The following MED13L variants were observed in gnomAD, a reference collection of about 807,000 sequenced individuals.
MED13L encodes mediator of RNA polymerase II transcription subunit 13-like.
MED13L carries 7 observed loss-of-function variants against 220.9 expected under a neutral mutation model. That is an observed-to-expected ratio of 0.03 (90% confidence interval 0.02 to 0.06). The LOEUF is 0.06. Among genes scored for constraint, MED13L ranks in the 10% least tolerant of loss-of-function variants. The pLI is 1.00. For missense variants in MED13L, 1,965 were observed against 2,760.5 expected (o/e 0.71, Z 6.46); for synonymous variants, 1,011 against 1,015.2 (o/e 1.00, Z 0.08).
chr12:115,966,383 A>T (rs1876162168), intron 28 of MED13L, 140 bp from the exon 29 acceptor site: 1 of 979,742 alleles, frequency 1.0e-6, no homozygotes, highest in African/African-American at 1.6e-5. Flanking sequence ...GGTGACTGAG[A>T]AAGGTAAGCG....
chr12:115,994,907 A>T (rs546407253), intron 16 of MED13L, among the ~76,000 whole-genome samples: 1 of 152,198 alleles, frequency 6.6e-6, no homozygotes, highest in African/African-American at 2.4e-5. Context: ...TAGTCGTTGA[A>T]GCATTGTGGA....
At chr12:116,254,540 G>A (rs549196718) in intron 1 of MED13L, among the ~76,000 whole-genome samples, 1 of 152,146 alleles carries the variant, frequency 6.6e-6, no homozygotes, top group East Asian at 1.9e-4. Flanking sequence ...CTTTAGGTCA[G>A]GAGTTCAAGA....
At chr12:116,246,411 G>A (rs1025976990) in intron 1 of MED13L, among the ~76,000 whole-genome samples, 2 of 151,930 alleles carry the variant, frequency 1.3e-5, no homozygotes, top group East Asian at 2.0e-4. Flanking sequence ...TGACAGGTCC[G>A]TAAAGACTTC....
In MED13L at chr12:116,277,621, C is replaced by T. The variant is rs911264098; in HGVS notation, c.-490G>A. 4.7e-5 allele frequency among the ~76,000 whole-genome samples: 7 copies of T among 149,244 alleles called. No homozygotes were observed. Among genetic ancestry groups the T allele is most frequent in the African/African-American group, 1.7e-4 (7 of 41,210 alleles). On this transcript the variant is annotated 5_prime_UTR_variant, in exon 1 of 31. Transcript: ENST00000281928. ...GCGACGTCCCCTCCTTCCTCTTCCT[C>T]CCCCACCCCCCCCTCCTCCCCAGTC...
chr12:116,088,299 T>C (rs1453122889), intron 4 of MED13L, among the ~76,000 whole-genome samples: 1 of 152,080 alleles, frequency 6.6e-6, no homozygotes, highest in Non-Finnish European at 1.5e-5. Flanking sequence ...AAAATGAGAA[T>C]AGAAATTCTG....
intron 2 of MED13L, among the ~76,000 whole-genome samples, chr12:116,182,420 T>G (rs189880080): frequency 1.7e-4 from 26 of 152,298 alleles, no homozygotes; most frequent in African/African-American, 5.5e-4. Context: ...TCCTTCCTTT[T>G]TCAATGACAG....
chr12:116,078,543 C>A (rs1488351323), intron 4 of MED13L, among the ~76,000 whole-genome samples: 3 of 152,108 alleles, frequency 2.0e-5, no homozygotes, highest in Non-Finnish European at 4.4e-5. Context: ...CTCTTAAGAC[C>A]AGAGTTCAGC....
chr12:116,144,084 C>G (rs928041427), intron 2 of MED13L, among the ~76,000 whole-genome samples: 8 of 152,162 alleles, frequency 5.3e-5, no homozygotes, highest in African/African-American at 1.9e-4. Context: ...CCATACACAG[C>G]ACACAAGAAA....
chr12:115,995,649 C>T (rs887096693), intron 16 of MED13L, among the ~76,000 whole-genome samples: 6 of 152,180 alleles, frequency 3.9e-5, no homozygotes, highest in African/African-American at 1.4e-4. Flanking sequence ...TCTCAAACTC[C>T]TGAGCTCAAG....
At chr12:116,018,477 G>C (rs1362958285) in intron 7 of MED13L, among the ~76,000 whole-genome samples, 1 of 152,038 alleles carries the variant, frequency 6.6e-6, no homozygotes, top group Non-Finnish European at 1.5e-5. Context: ...TGCCAGCTTG[G>C]CCCACATTCA....
At position 116,235,045 on chromosome 12, in the gene MED13L, C is replaced by T. The variant is rs150444804; in HGVS notation, c.310+2423G>A. The stretch of plus-strand genomic sequence containing the variant: ...TCTAAAATATCTCCACTTTGTATGG[C>T]TACCAATTAAAATATTCTCTTTGTA... On this transcript the variant is annotated intron_variant, in intron 2 of 30. Transcript: ENST00000281928. 2.3e-3 allele frequency among the ~76,000 whole-genome samples: 346 copies of T among 152,152 alleles called. 3 individuals carry two copies. The highest frequency in any genetic ancestry group is 3.4e-3 in the Non-Finnish European group (231 of 68,020).
chr12:116,117,146 T>A (rs1874592955), intron 2 of MED13L, among the ~76,000 whole-genome samples: 1 of 151,676 alleles, frequency 6.6e-6, no homozygotes, highest in Non-Finnish European at 1.5e-5. Flanking sequence ...CAAGAAAAAA[T>A]ATGGATGAAT....
At chr12:116,242,123 C>G (rs1870715604) in intron 1 of MED13L, among the ~76,000 whole-genome samples, 1 of 142,038 alleles carries the variant, frequency 7.0e-6, no homozygotes, top group Non-Finnish European at 1.5e-5. Flanking sequence ...ATGATCTTGG[C>G]AACCTCCCCC....
intron 8 of MED13L, among the ~76,000 whole-genome samples, chr12:116,014,578 A>C (rs1180130750): frequency 6.6e-6 from 1 of 152,220 alleles, no homozygotes; most frequent in East Asian, 1.9e-4. Context: ...GAAAGGAAGG[A>C]AAGTTAGGTC....
Position 116,019,884 on chromosome 12 carries a change from T to C in MED13L, c.714A>G (p.Glu238=). 3.1e-6 allele frequency: 5 copies of C among 1,613,890 alleles called. No homozygotes were observed. Among genetic ancestry groups the C allele is most frequent in the Non-Finnish European group, 4.2e-6 (5 of 1,179,906 alleles). ...SDPATRKLIE[E]WQYFYPMVLK... ...GCACCATCGGGTAGAAATACTGCCA[T>C]TCCTCAATCAACTTACGAGTGGCTG... Residue 238 remains glutamate (E), a synonymous_variant, in exon 6 of 31, where the codon GAA becomes GAG. Coordinates refer to ENST00000281928, the MANE Select transcript of MED13L (RefSeq NM_015335.5).
chr12:116,203,372 T>C (rs1882120405), intron 2 of MED13L, among the ~76,000 whole-genome samples: 1 of 151,980 alleles, frequency 6.6e-6, no homozygotes, highest in Non-Finnish European at 1.5e-5. Context: ...CTAGAAACAG[T>C]AACTTTTCTG....
intron 3 of MED13L, among the ~76,000 whole-genome samples, chr12:116,103,088 C>G (rs554958381): frequency 6.6e-6 from 1 of 152,266 alleles, no homozygotes; most frequent in South Asian, 2.1e-4. Flanking sequence ...CAAGCAAGCC[C>G]TATTAATCCC....
intron 4 of MED13L, among the ~76,000 whole-genome samples, chr12:116,086,700 T>G (rs1871724153): frequency 6.6e-6 from 1 of 152,226 alleles, no homozygotes; most frequent in South Asian, 2.1e-4. Flanking sequence ...ACAGATCTAA[T>G]AATTTCTACG....
At chr12:116,090,850 C>A (rs551843997) in intron 4 of MED13L, among the ~76,000 whole-genome samples, 2 of 152,132 alleles carry the variant, frequency 1.3e-5, no homozygotes, top group African/African-American at 4.8e-5. Context: ...ATAGGTCAGG[C>A]GCAGTGGCTG....
Sources: gnomAD v4.1 joint callset for allele counts (sites outside exome capture counted in the v4.1 genomes callset) on GRCh38, gnomAD v4.1.1 for gene constraint, MANE v1.5 for transcripts, NCBI Gene and HGNC (gene_info 2026-07-23, HGNC 2026-07-21) for gene names.